The following MROH9 variants were observed in gnomAD, a reference collection of about 807,000 sequenced individuals.
The protein encoded by MROH9 is maestro heat-like repeat-containing protein family member 9.
A neutral mutation model predicts 98.2 loss-of-function variants in MROH9; 92 were observed. That is an observed-to-expected ratio of 0.94 (90% confidence interval 0.79 to 1.11). The LOEUF (loss-of-function observed/expected upper bound fraction) is 1.11, where lower values mean the gene tolerates loss of function less well. Among genes scored for constraint, MROH9 ranks in the 50% most tolerant of loss-of-function variants. MROH9 has a pLI of 0.00. For missense variants in MROH9, 1,057 were observed against 1,014.8 expected, an observed-to-expected ratio of 1.04 and a Z score of -0.57; for synonymous variants, 397 against 368.9, an observed-to-expected ratio of 1.08 and a Z score of -0.87.
At chr1:170,953,010 A>T (rs1649615209) in intron 3 of MROH9, among the ~76,000 whole-genome samples, 2 of 152,106 alleles carry the variant, frequency 1.3e-5, no homozygotes, top group Non-Finnish European at 2.9e-5. Context: ...ACTTTTAATT[A>T]TTCACACTAT....
At chr1:171,028,530 G>A (rs1384129467) in intron 20 of MROH9, among the ~76,000 whole-genome samples, 1 of 152,184 alleles carries the variant, frequency 6.6e-6, no homozygotes, top group Non-Finnish European at 1.5e-5. Context: ...CATTACATGT[G>A]AAATCCAAAA....
intron 15 of MROH9, among the ~76,000 whole-genome samples, chr1:171,010,008 T>G (rs1383788863): frequency 1.3e-5 from 2 of 152,232 alleles, no homozygotes; most frequent in African/African-American, 4.8e-5. Flanking sequence ...TGCAGTTTTG[T>G]TACATAGGTA....
intron 15 of MROH9, chr1:170,998,791 G>T (rs970444324): frequency 2.1e-5 from 20 of 950,100 alleles, no homozygotes; most frequent in South Asian, 4.9e-5. Flanking sequence ...AAAAATAAAG[G>T]CTTTATAACC....
intron 11 of MROH9, among the ~76,000 whole-genome samples, chr1:170,990,895 A>G (rs1416159596): frequency 6.6e-6 from 1 of 152,178 alleles, no homozygotes; most frequent in Non-Finnish European, 1.5e-5. Context: ...CTCTAAACAA[A>G]TCACATAACT....
Position 170,992,205 on chromosome 1 carries a change from G to T in MROH9, c.1070G>T (p.Ser357Ile). Residue 357 changes from serine (S) to isoleucine (I), a missense_variant, in exon 12 of 22, where the codon AGC (serine) becomes ATC (isoleucine). Coordinates refer to ENST00000367759, the MANE Select transcript of MROH9 (RefSeq NM_001163629.2). Reference sequence around the variant, plus strand: ...TGGAAGGCGGCATGTTCTCAGGCGAGCGTGGCCCCTCACGTGCTGAAGACA... The same window carrying T: ...TGGAAGGCGGCATGTTCTCAGGCGATCGTGGCCCCTCACGTGCTGAAGACA... ...QMWKAACSQA[S>I]VAPHVLKTIL... The T allele has an allele frequency of 1.2e-6, 2 of 1,613,152 alleles. No individual in the cohort carries two copies. Among genetic ancestry groups the T allele is most frequent in the Non-Finnish European group, 1.7e-6 (2 of 1,179,552 alleles).
chr1:170,981,885 A>T (rs1012183453), intron 8 of MROH9, among the ~76,000 whole-genome samples: 1 of 152,236 alleles, frequency 6.6e-6, no homozygotes, highest in South Asian at 2.1e-4. Flanking sequence ...AATTAAACCT[A>T]TAATGAGATA....
chr1:171,012,263 A>G (rs546752352), intron 15 of MROH9, among the ~76,000 whole-genome samples: 34 of 151,950 alleles, frequency 2.2e-4, no homozygotes, highest in Admixed American at 1.6e-3. Context: ...TTATATCACA[A>G]ATTTTTGAAG....
At chr1:171,024,325 T>TGTGTGTGTGTGC in intron 17 of MROH9, 70 bp from the exon 18 acceptor site, 1 of 1,014,638 alleles carries the variant, frequency 9.9e-7, no homozygotes. Flanking sequence ...TGTGTGTGTG[T>TGTGTGTGTGTGC]GTGTGTAGAT....
chr1:171,004,606 T>G (rs1327146621), intron 15 of MROH9, among the ~76,000 whole-genome samples: 2 of 152,118 alleles, frequency 1.3e-5, no homozygotes, highest in Non-Finnish European at 2.9e-5. Context: ...TATTTGGGGG[T>G]ATCTTCCGGG....
chr1:171,060,680 C>T (rs1260106828), intron 20 of MROH9, among the ~76,000 whole-genome samples: 5 of 152,086 alleles, frequency 3.3e-5, no homozygotes, highest in African/African-American at 9.7e-5. Flanking sequence ...GCAGTATCAA[C>T]TATACAGGTA....
At chr1:171,011,399 A>C (rs1380322117) in intron 15 of MROH9, among the ~76,000 whole-genome samples, 1 of 151,852 alleles carries the variant, frequency 6.6e-6, no homozygotes, top group Non-Finnish European at 1.5e-5. Flanking sequence ...GTTATCACTC[A>C]AAAAGAATTA....
chr1:170,961,929 C>G lies in MROH9; in HGVS notation c.328C>G (p.Leu110Val), dbSNP rs375612128. The change falls in exon 6 of 22, where the codon CTT (leucine) becomes GTT (valine). Residue 110 changes from leucine to valine, a missense_variant. Leu to Val is a conservative substitution (Grantham distance 32, BLOSUM62 1). Coordinates refer to ENST00000367759, the MANE Select transcript of MROH9 (RefSeq NM_001163629.2). ...HNILNIYENILTSLVSKDLYK... is the reference protein window; with the variant it reads ...HNILNIYENIVTSLVSKDLYK... Reference sequence around the variant, plus strand: ...TATTTTAAATATATATGAGAACATTCTTACGAGCTTGGTGTCTAAAGACCT... The same window carrying G: ...TATTTTAAATATATATGAGAACATTGTTACGAGCTTGGTGTCTAAAGACCT... The G allele has an allele frequency of 1.6e-5, 24 of 1,538,474 alleles. No homozygotes were observed. Among genetic ancestry groups the G allele is most frequent in the African/African-American group, 9.8e-5 (7 of 71,248 alleles).
At chr1:171,022,186 T>C (rs1431264380) in intron 17 of MROH9, among the ~76,000 whole-genome samples, 2 of 152,212 alleles carry the variant, frequency 1.3e-5, no homozygotes, top group African/African-American at 2.4e-5. Flanking sequence ...GAATAAAGTA[T>C]GGTGATTCGT....
At chr1:170,947,676 A>G in intron 3 of MROH9, 103 bp downstream of exon 3, 1 of 1,088,914 alleles carries the variant, frequency 9.2e-7, no homozygotes, top group Non-Finnish European at 1.4e-6. Context: ...TGTTTAAAAT[A>G]CATGTGTTGG....
intron 17 of MROH9, among the ~76,000 whole-genome samples, chr1:171,018,839 C>A (rs1291075811): frequency 6.6e-6 from 1 of 152,076 alleles, no homozygotes; most frequent in South Asian, 2.1e-4. Flanking sequence ...ATCAGGCATG[C>A]AGACAATATT....
chr1:170,993,171 G>A (rs951355381), intron 12 of MROH9, among the ~76,000 whole-genome samples: 1 of 152,096 alleles, frequency 6.6e-6, no homozygotes, highest in African/African-American at 2.4e-5. Flanking sequence ...GTAATGACAG[G>A]TTTGGAATTA....
At chr1:170,968,280 G>A (rs1226986087) in intron 7 of MROH9, among the ~76,000 whole-genome samples, 1 of 152,198 alleles carries the variant, frequency 6.6e-6, no homozygotes, top group East Asian at 1.9e-4. Context: ...AACCTACATT[G>A]TCCCGCATTC....
chr1:170,948,881 G>C (rs963525078), intron 3 of MROH9, among the ~76,000 whole-genome samples: 1 of 152,156 alleles, frequency 6.6e-6, no homozygotes, highest in East Asian at 1.9e-4. Context: ...AGCAACATAC[G>C]TTTGTAGAAT....
At chr1:170,954,140 G>GTC (rs1311554027) in intron 3 of MROH9, among the ~76,000 whole-genome samples, 1 of 151,980 alleles carries the variant, frequency 6.6e-6, no homozygotes, top group Non-Finnish European at 1.5e-5. Context: ...TTATAAAAAT[G>GTC]TCTCTAGGTA....
Sources: gnomAD v4.1 joint callset for allele counts (sites outside exome capture counted in the v4.1 genomes callset) on GRCh38, gnomAD v4.1.1 for gene constraint, MANE v1.5 for transcripts, NCBI Gene and HGNC (gene_info 2026-07-23, HGNC 2026-07-21) for gene names.